SYT2: variants seen among roughly 807,000 people sequenced by gnomAD.
SYT2 encodes synaptotagmin 2, also known as synaptotagmin-2.
Under a neutral mutation model 39.9 loss-of-function variants are expected in SYT2, and 15 were observed. The ratio of observed to expected loss-of-function variants is 0.38; its 90% CI spans 0.25 to 0.58. SYT2 has a LOEUF of 0.58. Among genes scored for constraint, SYT2 ranks in the 20% least tolerant of loss-of-function variants. The probability of loss-of-function intolerance (pLI) is 0.70; values close to 1 mark genes in which losing one functional copy is unlikely to be tolerated. For missense variants in SYT2, 389 were observed against 530.3 expected, an observed-to-expected ratio of 0.73 and a Z score of 2.62; for synonymous variants, 181 against 204.5, an observed-to-expected ratio of 0.89 and a Z score of 0.98.
At chr1:202,683,379 C>A (rs1018476899) in intron 1 of SYT2, among the ~76,000 whole-genome samples, 1 of 152,118 alleles carries the variant, frequency 6.6e-6, no homozygotes, top group Non-Finnish European at 1.5e-5. Flanking sequence ...GTGGATAAAC[C>A]ATAACTACAT....
intron 1 of SYT2, among the ~76,000 whole-genome samples, chr1:202,658,459 T>TGGTCC (rs1433254028): frequency 6.6e-6 from 1 of 152,032 alleles, no homozygotes; most frequent in Non-Finnish European, 1.5e-5. Flanking sequence ...GATCCTGCCC[T>TGGTCC]GGTCCAGTCC....
intron 1 of SYT2, among the ~76,000 whole-genome samples, chr1:202,702,454 A>T (rs1338700739): frequency 6.6e-6 from 1 of 152,198 alleles, no homozygotes; most frequent in Non-Finnish European, 1.5e-5. Flanking sequence ...GCCCTCCCAC[A>T]GCCAATTAAC....
intron 1 of SYT2, among the ~76,000 whole-genome samples, chr1:202,685,868 G>A (rs368629449): frequency 2.0e-5 from 3 of 152,062 alleles, no homozygotes; most frequent in Non-Finnish European, 4.4e-5. Context: ...CAAGCAAGGC[G>A]AGGGAATGAG....
intron 1 of SYT2, among the ~76,000 whole-genome samples, chr1:202,657,903 CT>C (rs1306669751): frequency 6.6e-6 from 1 of 152,144 alleles, no homozygotes; most frequent in Non-Finnish European, 1.5e-5. Context: ...CCTTGAACAG[CT>C]AATCAATGAA....
chr1:202,616,769 A>C (rs911097004), intron 1 of SYT2, among the ~76,000 whole-genome samples: 3 of 152,120 alleles, frequency 2.0e-5, no homozygotes, highest in Non-Finnish European at 4.4e-5. Flanking sequence ...TCAGGCTTGC[A>C]CTTGAGGTCC....
In SYT2 at chr1:202,593,188, C is replaced by G. The variant is rs746746094; in HGVS notation, c.*3569G>C. On this transcript the variant is annotated 3_prime_UTR_variant, in exon 9 of 9. Transcript: ENST00000367268. ...CTACCTTTGAGTGGGAGGGGACACC[C>G]TCAGGGACAGTTTTTCTCTCTGTGA... 6.6e-6 allele frequency: 1 copy of G among 152,292 alleles called. No individual in the cohort carries two copies. The highest frequency in any genetic ancestry group is 1.5e-5 in the Non-Finnish European group (1 of 68,094). 9.4% of individuals were successfully genotyped at this position (152,292 alleles called of 1,614,324 possible). A position where few individuals can be genotyped will look rare whatever the true frequency, so the allele number is the denominator to read the frequency against.
chr1:202,597,004 TG>T, intron 8 of SYT2, 41 bp from the exon 9 acceptor site: 1 of 1,575,186 alleles, frequency 6.3e-7, no homozygotes, highest in Non-Finnish European at 8.7e-7. Flanking sequence ...GACAGAGACG[TG>T]GGATCCCATG....
At chr1:202,696,377 T>C (rs949569124) in intron 1 of SYT2, among the ~76,000 whole-genome samples, 8 of 152,214 alleles carry the variant, frequency 5.3e-5, no homozygotes, top group Non-Finnish European at 1.0e-4. Flanking sequence ...CCAGACATCA[T>C]GGTGGCCATG....
chr1:202,598,482 A>G (rs193168590), intron 8 of SYT2, among the ~76,000 whole-genome samples: 376 of 152,160 alleles, frequency 2.5e-3, no homozygotes, highest in Non-Finnish European at 4.1e-3. Context: ...GACAGAACCA[A>G]CTCTGAAGAT....
rs867630738 is a variant in SYT2 at position 202,605,778 on chromosome 1, C to T, written c.-6G>A. On this transcript the variant is annotated 5_prime_UTR_variant, in exon 2 of 9. Coordinates refer to ENST00000367268, the MANE Select transcript of SYT2 (RefSeq NM_177402.5). ...CTCTTGAAAATGTTCCTCATGGTGG[C>T]AGAGGAAACAGCTGGGGACGAGAGG... 18 of 1,613,284 alleles carry T rather than the reference C, an allele frequency of 1.1e-5. No individual in the cohort carries two copies. The African/African-American group carries it at 2.3e-4, about 20-fold the overall frequency.
At chr1:202,642,369 C>G (rs1691939858) in intron 1 of SYT2, among the ~76,000 whole-genome samples, 1 of 151,720 alleles carries the variant, frequency 6.6e-6, no homozygotes, top group South Asian at 2.1e-4. Context: ...CGCCCTCCCC[C>G]ACCTCGTCCC....
intron 1 of SYT2, among the ~76,000 whole-genome samples, chr1:202,699,966 G>A (rs1159490142): frequency 6.6e-6 from 1 of 152,124 alleles, no homozygotes; most frequent in Admixed American, 6.6e-5. Context: ...AAATCTTTGG[G>A]AAGCCTCAAA....
At chr1:202,694,591 C>T (rs1653926682) in intron 1 of SYT2, among the ~76,000 whole-genome samples, 1 of 152,138 alleles carries the variant, frequency 6.6e-6, no homozygotes, top group Non-Finnish European at 1.5e-5. Context: ...CAAAGCCACA[C>T]ACCATCCCTA....
intron 1 of SYT2, among the ~76,000 whole-genome samples, chr1:202,692,992 T>A (rs769408420): frequency 6.6e-6 from 1 of 152,202 alleles, no homozygotes; most frequent in Non-Finnish European, 1.5e-5. Context: ...AGCTTAAAAT[T>A]TTTTAAAAAT....
At position 202,613,067 on chromosome 1, in the gene SYT2, C is replaced by CTTTTTTTTTTT. The variant is rs1690930669; in HGVS notation, c.-17-7279_-17-7278insAAAAAAAAAAA. 2.5e-5 allele frequency among the ~76,000 whole-genome samples: 3 copies of CTTTTTTTTTTT among 121,604 alleles called. 1 individual carries two copies. Among genetic ancestry groups the CTTTTTTTTTTT allele is most frequent in the Non-Finnish European group, 3.3e-5 (2 of 59,938 alleles). The allele number at this position is 121,604 out of a possible 152,430, so 79.8% of individuals were successfully genotyped here. ...CACATTGCCGAACTCATTGGTTCTT[C>CTTTTTTTTTTT]CTTTTTTTTTTTTTTTTTTTTTTTT... On this transcript the variant is annotated intron_variant, in intron 1 of 8. Coordinates refer to ENST00000367268, the MANE Select transcript of SYT2 (RefSeq NM_177402.5).
intron 1 of SYT2, among the ~76,000 whole-genome samples, chr1:202,670,444 TGAAGAGCCACAGAATCCCCCAA>T (rs1434227850): frequency 6.6e-6 from 1 of 152,092 alleles, no homozygotes; most frequent in Non-Finnish European, 1.5e-5. Flanking sequence ...TCCAAGGAGC[TGAAGAGCCACAGAATCCCCCAA>T]GCCCAGCTAG....
At chr1:202,689,852 G>A (rs1013936434) in intron 1 of SYT2, among the ~76,000 whole-genome samples, 10 of 151,780 alleles carry the variant, frequency 6.6e-5, no homozygotes, top group Admixed American at 6.6e-5. Flanking sequence ...GGAATTAAGG[G>A]CCTTTCCCCC....
intron 1 of SYT2, among the ~76,000 whole-genome samples, chr1:202,640,542 C>T (rs1006290485): frequency 1.3e-5 from 2 of 151,844 alleles, no homozygotes; most frequent in Non-Finnish European, 1.5e-5. Flanking sequence ...GCTTTACCGC[C>T]TCTCTGCTTC....
rs558963135 is a variant in SYT2, at chr1:202,643,696, G to A, written c.-17-37907C>T. Among the ~76,000 whole-genome samples the A allele has an allele frequency of 2.6e-3, 389 of 147,986 alleles. 1 individual carries two copies. In the Middle Eastern group the frequency reaches 0.027, roughly 10 times the overall value. Reference sequence around the variant, plus strand: ...CAGCGGAGGGGAAAATGGGCGACAGGAGAAGGGGAGGTGTGTGCGGGAGGG... The same window carrying A: ...CAGCGGAGGGGAAAATGGGCGACAGAAGAAGGGGAGGTGTGTGCGGGAGGG... On this transcript the variant is annotated intron_variant, in intron 1 of 8. Transcript: ENST00000367268.
Sources: gnomAD v4.1 joint callset for allele counts (sites outside exome capture counted in the v4.1 genomes callset) on GRCh38, gnomAD v4.1.1 for gene constraint, MANE v1.5 for transcripts, NCBI Gene and HGNC (gene_info 2026-07-23, HGNC 2026-07-21) for gene names.